The following SELENOF variants were observed in gnomAD, a reference collection of about 807,000 sequenced individuals.
SELENOF encodes selenoprotein F.
A neutral mutation model predicts 20.5 loss-of-function variants in SELENOF; 16 were observed. That is an observed-to-expected ratio of 0.78 (90% confidence interval 0.53 to 1.19). SELENOF has a LOEUF of 1.19. Ranked by LOEUF, SELENOF falls within the 50% of genes most tolerant of loss-of-function variation. SELENOF has a pLI of 0.00. For missense variants in SELENOF, 215 were observed against 194.2 expected (o/e 1.11, Z -0.64); for synonymous variants, 78 against 74.5 (o/e 1.05, Z -0.24).
intron 3 of SELENOF, among the ~76,000 whole-genome samples, chr1:86,876,288 A>T (rs1658922587): frequency 6.6e-6 from 1 of 152,188 alleles, no homozygotes; most frequent in Non-Finnish European, 1.5e-5. Flanking sequence ...TTTCATGCTT[A>T]TGCCTTTGCC....
At chr1:86,896,893 A>T (rs1366757950) in intron 2 of SELENOF, among the ~76,000 whole-genome samples, 2 of 152,258 alleles carry the variant, frequency 1.3e-5, no homozygotes, top group African/African-American at 4.8e-5. Flanking sequence ...TTTTCAACAT[A>T]GCTTTTAAAA....
At chr1:86,875,241 GAA>G (rs11367921) in intron 3 of SELENOF, among the ~76,000 whole-genome samples, 2 of 135,636 alleles carry the variant, frequency 1.5e-5, no homozygotes, top group African/African-American at 2.6e-5. Context: ...ACTCCGTCTC[GAA>G]AAAAAAAAAA....
At chr1:86,874,426 C>T (rs1388182835) in intron 3 of SELENOF, among the ~76,000 whole-genome samples, 1 of 152,188 alleles carries the variant, frequency 6.6e-6, no homozygotes, top group East Asian at 1.9e-4. Flanking sequence ...TTAAATGTTT[C>T]AGTTTTTCCC....
chr1:86,870,688 G>A (rs901706114), intron 3 of SELENOF, among the ~76,000 whole-genome samples: 6 of 152,064 alleles, frequency 3.9e-5, no homozygotes, highest in Non-Finnish European at 8.8e-5. Context: ...CGCGATCTCG[G>A]CGCACTGCAA....
intron 3 of SELENOF, among the ~76,000 whole-genome samples, chr1:86,870,804 A>G (rs769814001): frequency 2.0e-5 from 3 of 152,098 alleles, no homozygotes; most frequent in Admixed American, 1.3e-4. Flanking sequence ...TATTTTTAGT[A>G]GAGACGGGGT....
chr1:86,868,233 A>G, intron 3 of SELENOF, 131 bp from the exon 4 acceptor site: 1 of 425,308 alleles, frequency 2.4e-6, no homozygotes, highest in Non-Finnish European at 4.1e-6. Context: ...AGAAAATTTA[A>G]ACATCTGTGG....
At position 86,904,697 on chromosome 1, in the gene SELENOF, A is replaced by T. The variant is rs183261623; in HGVS notation, c.85-1249T>A. Among the ~76,000 whole-genome samples, 9 of 152,292 alleles carry T rather than the reference A, an allele frequency of 5.9e-5. No individual in the cohort carries two copies. The East Asian group carries it at 1.7e-3, about 29-fold the overall frequency. On this transcript the variant is annotated intron_variant, in intron 1 of 4. Coordinates refer to ENST00000331835, the MANE Select transcript of SELENOF (RefSeq NM_004261.5). ...TTTTTCCTAACACCCCAAACTCATTAATATAGCCTGGTTTCTGCTCCTACT... is the reference window on the plus strand; with the variant it reads ...TTTTTCCTAACACCCCAAACTCATTTATATAGCCTGGTTTCTGCTCCTACT...
chr1:86,887,799 T>C lies in SELENOF; in HGVS notation c.253-7074A>G, dbSNP rs573745281. Among the ~76,000 whole-genome samples, 4 of 152,276 alleles carry C rather than the reference T, an allele frequency of 2.6e-5. No homozygotes were observed. In the East Asian group the frequency reaches 7.7e-4, roughly 29 times the overall value. On this transcript the variant is annotated intron_variant, in intron 2 of 4. Transcript: ENST00000331835. ...TACATCCCCAGTCCCCACCCCTATG[T>C]ATACTTTAGCTACAAGTATGAATGA...
At position 86,863,513 on chromosome 1, in the gene SELENOF, A is replaced by G; in HGVS notation, c.459T>C (p.Ser153=). 1 of 1,613,692 alleles carries G rather than the reference A, an allele frequency of 6.2e-7. No homozygotes were observed. Among genetic ancestry groups the G allele is most frequent in the Non-Finnish European group, 8.5e-7 (1 of 1,179,746 alleles). The change falls in exon 5 of 5, where the codon AGT becomes AGC. Residue 153 remains serine (S), a synonymous_variant. Transcript: ENST00000331835. Reference sequence around the variant, plus strand: ...ACTTTTCACTCAGGAATTCTTCTACACTGTCTGTGTTCCATTTGAGAATGC... The same window carrying G: ...ACTTTTCACTCAGGAATTCTTCTACGCTGTCTGTGTTCCATTTGAGAATGC... ...ELSILKWNTD[S]VEEFLSEKLE...
chr1:86,904,987 C>G (rs934075934), intron 1 of SELENOF, among the ~76,000 whole-genome samples: 7 of 152,192 alleles, frequency 4.6e-5, no homozygotes, highest in Admixed American at 2.6e-4. Flanking sequence ...CCAAAGCCAA[C>G]AGTCCACTCA....
intron 4 of SELENOF, among the ~76,000 whole-genome samples, chr1:86,864,286 GT>G (rs1658537560): frequency 6.6e-6 from 1 of 152,192 alleles, no homozygotes; most frequent in Admixed American, 6.5e-5. Flanking sequence ...AAATCCATTA[GT>G]TGGGTCCAAT....
intron 2 of SELENOF, among the ~76,000 whole-genome samples, chr1:86,893,928 TATTCA>T (rs1455889134): frequency 2.6e-5 from 4 of 152,236 alleles, no homozygotes; most frequent in Admixed American, 6.5e-5. Flanking sequence ...TAGGTCCACT[TATTCA>T]ATTCTAGTAT....
intron 2 of SELENOF, among the ~76,000 whole-genome samples, chr1:86,901,993 A>G (rs1009419823): frequency 6.6e-6 from 1 of 152,194 alleles, no homozygotes; most frequent in Admixed American, 6.5e-5. Context: ...TTGGTTGAGT[A>G]GTAGTACAGC....
chr1:86,870,764 A>G (rs907018001), intron 3 of SELENOF, among the ~76,000 whole-genome samples: 2 of 151,968 alleles, frequency 1.3e-5, no homozygotes, highest in African/African-American at 4.8e-5. Context: ...GACTACAGGC[A>G]CCCGCCACCA....
rs201958269 is a variant in SELENOF at position 86,898,757 on chromosome 1, AT to A, written c.252+4523del. On this transcript the variant is annotated intron_variant, in intron 2 of 4. Transcript: ENST00000331835. ...CCACCACACCCAGCTAATTTTTTGTATTTTTTTTTTGTTTGTTTGTTTTTTT... is the reference window on the plus strand; with the variant it reads ...CCACCACACCCAGCTAATTTTTTGTATTTTTTTTTGTTTGTTTGTTTTTTT... 5.3e-3 allele frequency among the ~76,000 whole-genome samples: 724 copies of A among 136,126 alleles called. 3 individuals carry two copies. Among genetic ancestry groups the A allele is most frequent in the Middle Eastern group, 0.014 (4 of 276 alleles). The allele number at this position is 136,126 out of a possible 152,430, so 89.3% of individuals were successfully genotyped here.
At chr1:86,910,067 A>C (rs1402394100) in intron 1 of SELENOF, among the ~76,000 whole-genome samples, 2 of 152,258 alleles carry the variant, frequency 1.3e-5, no homozygotes, top group African/African-American at 4.8e-5. Context: ...AATGTGAGTT[A>C]AGCTTTGCAT....
chr1:86,911,859 G>A (rs900678779), intron 1 of SELENOF, among the ~76,000 whole-genome samples: 106 of 150,594 alleles, frequency 7.0e-4, no homozygotes, highest in African/African-American at 2.5e-3. Context: ...TCTCGGCTCA[G>A]TGCAACCTCC....
intron 1 of SELENOF, among the ~76,000 whole-genome samples, chr1:86,909,179 T>C (rs1210955905): frequency 6.6e-6 from 1 of 152,246 alleles, no homozygotes; most frequent in Non-Finnish European, 1.5e-5. Context: ...CAACTACTTA[T>C]GCCACCTGAT....
Position 86,863,366 on chromosome 1 carries a change from A to G in SELENOF, c.*108T>C. On this transcript the variant is annotated 3_prime_UTR_variant, in exon 5 of 5. Transcript: ENST00000331835. The stretch of plus-strand genomic sequence containing the variant: ...GATTTAATTAGATATTTAATGCCTC[A>G]AGTAAAAGACTGATCAATGGAAGCA... 1.1e-6 allele frequency: 1 copy of G among 884,332 alleles called. No individual in the cohort carries two copies. Among genetic ancestry groups the G allele is most frequent in the South Asian group, 2.0e-5 (1 of 51,060 alleles). The allele number at this position is 884,332 out of a possible 1,614,324, so 54.8% of individuals were successfully genotyped here.
Sources: gnomAD v4.1 joint callset for allele counts (sites outside exome capture counted in the v4.1 genomes callset) on GRCh38, gnomAD v4.1.1 for gene constraint, MANE v1.5 for transcripts, NCBI Gene and HGNC (gene_info 2026-07-23, HGNC 2026-07-21) for gene names.